COBL: variants seen among roughly 807,000 people sequenced by gnomAD.
The protein encoded by COBL is cordon-bleu WH2 repeat protein, also known as protein cordon-bleu.
COBL carries 51 observed loss-of-function variants against 98.8 expected under a neutral mutation model. The observed-to-expected ratio is 0.52, with a 90% CI of 0.41 to 0.65. The LOEUF is 0.65. Among genes scored for constraint, COBL ranks in the 30% least tolerant of loss-of-function variants. COBL has a pLI of 0.00. For synonymous variants in COBL, 634 were observed against 651.7 expected, an observed-to-expected ratio of 0.97 and a Z score of 0.41; for missense variants, 1,617 against 1,617.5, an observed-to-expected ratio of 1.00 and a Z score of 0.01.
intron 5 of COBL, among the ~76,000 whole-genome samples, chr7:51,145,814 T>C (rs888823698): frequency 2.6e-5 from 4 of 152,214 alleles, no homozygotes; most frequent in African/African-American, 9.7e-5. Context: ...TTTCCTTTTG[T>C]TTGAACAGCC....
chr7:51,276,105 C>T (rs1799286205), intron 1 of COBL, among the ~76,000 whole-genome samples: 1 of 152,142 alleles, frequency 6.6e-6, no homozygotes, highest in African/African-American at 2.4e-5. Flanking sequence ...GCTCTGGGAC[C>T]ATGCAACTTC....
At chr7:51,148,425 T>G (rs1225533925) in intron 5 of COBL, among the ~76,000 whole-genome samples, 2 of 152,154 alleles carry the variant, frequency 1.3e-5, no homozygotes, top group Non-Finnish European at 2.9e-5. Flanking sequence ...TGTCTCCCTC[T>G]CCCCAAGTTG....
intron 1 of COBL, among the ~76,000 whole-genome samples, chr7:51,268,309 C>T (rs1163957886): frequency 1.3e-5 from 2 of 152,196 alleles, no homozygotes; most frequent in East Asian, 3.8e-4. Flanking sequence ...AATCAATGCA[C>T]CCTGCACCAT....
intron 5 of COBL, among the ~76,000 whole-genome samples, chr7:51,167,119 A>G (rs1406147482): frequency 6.6e-6 from 1 of 152,150 alleles, no homozygotes; most frequent in Non-Finnish European, 1.5e-5. Context: ...CAGACAAGAG[A>G]AAGATATAAA....
At chr7:51,088,071 T>TA (rs1179052764) in intron 6 of COBL, among the ~76,000 whole-genome samples, 1 of 152,090 alleles carries the variant, frequency 6.6e-6, no homozygotes, top group Non-Finnish European at 1.5e-5. Flanking sequence ...GCTTTTCCTC[T>TA]GCAGGCTCAG....
chr7:51,187,327 T>TAC (rs1485148956), intron 4 of COBL, among the ~76,000 whole-genome samples: 1,824 of 139,004 alleles, frequency 0.013, 31 homozygotes, highest in African/African-American at 0.045. Context: ...TATATATATA[T>TAC]ATATACACAC....
At chr7:51,039,787 T>A (rs750690615) in intron 8 of COBL, among the ~76,000 whole-genome samples, 2 of 152,184 alleles carry the variant, frequency 1.3e-5, no homozygotes, top group Non-Finnish European at 2.9e-5. Context: ...CCAGCTTGCA[T>A]ATGTGTTCCG....
At chr7:51,216,131 C>T (rs1286514195) in intron 2 of COBL, among the ~76,000 whole-genome samples, 1 of 152,246 alleles carries the variant, frequency 6.6e-6, no homozygotes, top group African/African-American at 2.4e-5. Flanking sequence ...ATCATAATGA[C>T]ACAGCCTAGC....
intron 7 of COBL, among the ~76,000 whole-genome samples, chr7:51,080,092 C>A (rs1360587886): frequency 1.3e-5 from 2 of 152,124 alleles, no homozygotes; most frequent in African/African-American, 4.8e-5. Context: ...TACTGGGACC[C>A]CAGCAAAGCC....
At chr7:51,147,812 G>T (rs891687656) in intron 5 of COBL, among the ~76,000 whole-genome samples, 1 of 150,962 alleles carries the variant, frequency 6.6e-6, no homozygotes, top group African/African-American at 2.4e-5. Context: ...GTGCAGTGGC[G>T]CGATCTCGGC....
intron 1 of COBL, among the ~76,000 whole-genome samples, chr7:51,314,112 C>T (rs1383960997): frequency 1.3e-5 from 2 of 152,234 alleles, no homozygotes; most frequent in African/African-American, 2.4e-5. Flanking sequence ...TAGCCAGACA[C>T]AGAGTCAGTG....
In COBL at chr7:51,044,084, G is replaced by C. The variant is rs574722093; in HGVS notation, c.1097-392C>G. The stretch of plus-strand genomic sequence containing the variant: ...CTTTAGAAAAACATTAAGACAATTA[G>C]AGTTTTTGGAAATATAAATAAGCAG... On this transcript the variant is annotated intron_variant, in intron 7 of 12. Coordinates refer to ENST00000265136, the MANE Select transcript of COBL (RefSeq NM_015198.5). Among the ~76,000 whole-genome samples, 21 of 152,334 alleles carry C rather than the reference G, an allele frequency of 1.4e-4. No homozygotes were observed. The South Asian group carries it at 4.4e-3, about 32-fold the overall frequency.
intron 5 of COBL, among the ~76,000 whole-genome samples, chr7:51,145,296 G>A (rs1412869927): frequency 6.6e-6 from 1 of 152,122 alleles, no homozygotes; most frequent in Admixed American, 6.5e-5. Flanking sequence ...GATCATAGGT[G>A]TGAGCCACCA....
intron 2 of COBL, among the ~76,000 whole-genome samples, chr7:51,206,548 C>T (rs1417306710): frequency 6.6e-6 from 1 of 151,798 alleles, no homozygotes; most frequent in East Asian, 1.9e-4. Flanking sequence ...TATCTGCACT[C>T]CCATATCTAT....
intron 6 of COBL, among the ~76,000 whole-genome samples, chr7:51,092,972 G>GT: frequency 6.6e-6 from 1 of 151,976 alleles, no homozygotes; most frequent in African/African-American, 2.4e-5. Flanking sequence ...ATAGTTTTCA[G>GT]TGTACAGATC....
intron 6 of COBL, among the ~76,000 whole-genome samples, chr7:51,114,988 T>C (rs1395816827): frequency 6.6e-6 from 1 of 152,208 alleles, no homozygotes; most frequent in Non-Finnish European, 1.5e-5. Flanking sequence ...ACCACCACAG[T>C]AAATGTGTGA....
intron 12 of COBL, among the ~76,000 whole-genome samples, chr7:51,023,999 G>A (rs997738211): frequency 2.6e-5 from 4 of 152,178 alleles, no homozygotes; most frequent in African/African-American, 7.2e-5. Flanking sequence ...CTTAGGATCT[G>A]GAAATAATCA....
At chr7:51,241,822 A>G (rs1795820644) in intron 1 of COBL, among the ~76,000 whole-genome samples, 3 of 152,180 alleles carry the variant, frequency 2.0e-5, no homozygotes, top group Admixed American at 2.0e-4. Context: ...GAGAAGTGCT[A>G]GGGGTCCTTC....
chr7:51,063,592 G>A (rs879381712), intron 7 of COBL, among the ~76,000 whole-genome samples: 7 of 152,228 alleles, frequency 4.6e-5, no homozygotes, highest in Non-Finnish European at 8.8e-5. Context: ...AGCAGTAGGA[G>A]GCAGGCTGAG....
Sources: gnomAD v4.1 joint callset for allele counts (sites outside exome capture counted in the v4.1 genomes callset) on GRCh38, gnomAD v4.1.1 for gene constraint, MANE v1.5 for transcripts, NCBI Gene and HGNC (gene_info 2026-07-23, HGNC 2026-07-21) for gene names.